Variants in TSC2 observed in about 807,000 individuals in gnomAD.
TSC2 encodes TSC complex subunit 2.
In TSC2, 29 loss-of-function variants were observed where a neutral mutation model predicts 202.2. The observed-to-expected ratio is 0.14, with a 90% confidence interval of 0.11 to 0.20. The LOEUF (loss-of-function observed/expected upper bound fraction) is 0.20. Among genes scored for constraint, TSC2 ranks in the 10% least tolerant of loss-of-function variants. The pLI, the probability that TSC2 is intolerant of heterozygous loss-of-function variation, is 1.00. For missense variants in TSC2, 2,429 were observed against 2,420.0 expected, an observed-to-expected ratio of 1.00 and a Z score of -0.08; for synonymous variants, 1,349 against 1,044.0, an observed-to-expected ratio of 1.29 and a Z score of -5.63.
At chr16:2,072,406 G>A (rs1567468252) in intron 20 of TSC2, 43 bp downstream of exon 20, 5 of 1,611,540 alleles carry the variant, frequency 3.1e-6, no homozygotes, top group South Asian at 1.1e-5. Context: ...ACCCAGTAGG[G>A]TTTTTCCCCA....
At position 2,056,182 on chromosome 16, in the gene TSC2, G is replaced by C; in HGVS notation, c.600-14G>C. ...AGGCAGTGCTGCCGGGACTGAGCTC[G>C]GTGCTCCCTGCAGGATGATCTGTCT... On this transcript the variant is annotated splice_polypyrimidine_tract_variant and intron_variant, in intron 6 of 41. Coordinates refer to ENST00000219476, the MANE Select transcript of TSC2 (RefSeq NM_000548.5). The C allele has an allele frequency of 6.2e-7, 1 of 1,613,756 alleles. No homozygotes were observed. Among genetic ancestry groups the C allele is most frequent in the Non-Finnish European group, 8.5e-7 (1 of 1,180,046 alleles).
At chr16:2,087,533 A>G (rs2090989599) in intron 38 of TSC2, among the ~76,000 whole-genome samples, 1 of 146,242 alleles carries the variant, frequency 6.8e-6, no homozygotes, top group Non-Finnish European at 1.5e-5. Flanking sequence ...GGTGGTGCCG[A>G]GATGGGGTGC....
chr16:2,062,262 T>C (rs1249886750), intron 12 of TSC2, among the ~76,000 whole-genome samples: 1 of 152,214 alleles, frequency 6.6e-6, no homozygotes, highest in Non-Finnish European at 1.5e-5. Flanking sequence ...GTCCTGTGGC[T>C]CCCAGGCGGC....
At chr16:2,076,779 G>C (rs964008588) in intron 25 of TSC2, 194 bp downstream of exon 25, 2 of 617,656 alleles carry the variant, frequency 3.2e-6, no homozygotes, top group East Asian at 5.6e-5. Context: ...TGGTGGCCTG[G>C]GTCCGGGCTG....
At chr16:2,055,234 C>G in intron 5 of TSC2, 168 bp from the exon 6 acceptor site, 2 of 702,138 alleles carry the variant, frequency 2.8e-6, no homozygotes, top group African/African-American at 3.5e-5. Flanking sequence ...CCTGGGCTCC[C>G]CTGAGCCTCT....
chr16:2,053,998 C>T (rs1444544252), intron 4 of TSC2: 1 of 496,152 alleles, frequency 2.0e-6, no homozygotes, highest in Non-Finnish European at 3.7e-6. Flanking sequence ...GCTGTCTGCC[C>T]TGCACCGAGT....
chr16:2,060,265 G>A (rs188926364), intron 10 of TSC2, among the ~76,000 whole-genome samples: 1 of 152,322 alleles, frequency 6.6e-6, no homozygotes, highest in Non-Finnish European at 1.5e-5. Flanking sequence ...GAGCTGCGGT[G>A]TGGGTCACAG....
In TSC2 at chr16:2,080,132, T is replaced by A. The variant is rs770102136; in HGVS notation, c.3398-33T>A. The A allele has an allele frequency of 1.9e-6, 3 of 1,612,090 alleles. No homozygotes were observed. In the South Asian group the frequency reaches 3.3e-5, roughly 18 times the overall value. On this transcript the variant is annotated intron_variant, in intron 29 of 41. Coordinates refer to ENST00000219476, the MANE Select transcript of TSC2 (RefSeq NM_000548.5). ...GGCTGGTGGTTTTGCATCAGGTAAGTGGTGGTCACCAGTCCTCTGCCCTCT... is the reference window on the plus strand; with the variant it reads ...GGCTGGTGGTTTTGCATCAGGTAAGAGGTGGTCACCAGTCCTCTGCCCTCT...
rs377300009 is a variant in TSC2 at position 2,074,383 on chromosome 16, C to G, written c.2539C>G (p.Leu847Val). The stretch of plus-strand genomic sequence containing the variant: ...CATGGCCGTCCCACTGCTGGAGTTC[C>G]TGTCCAGTGAGTCCCCGCCCTGCCT... ...ASMAVPLLEF[L>V]STLARLPHLY... The change falls in exon 22 of 42, where the codon CTG becomes GTG. Residue 847 changes from leucine (L) to valine (V), a missense_variant. By Grantham distance (32) the Leu-to-Val change is conservative. Coordinates refer to ENST00000219476, the MANE Select transcript of TSC2 (RefSeq NM_000548.5). 1 of 1,610,700 alleles carries G rather than the reference C, an allele frequency of 6.2e-7. No homozygotes were observed. Among genetic ancestry groups the G allele is most frequent in the Admixed American group, 1.7e-5 (1 of 60,020 alleles).
intron 9 of TSC2, among the ~76,000 whole-genome samples, 178 bp downstream of exon 9, chr16:2,057,356 C>T (rs1413256978): frequency 3.9e-5 from 6 of 152,158 alleles, no homozygotes; most frequent in Admixed American, 3.3e-4. Flanking sequence ...CTGTCCTCTC[C>T]TTCCTCTGTC....
intron 22 of TSC2, chr16:2,074,619 G>A (rs1384006514): frequency 1.2e-5 from 7 of 602,756 alleles, no homozygotes; most frequent in Non-Finnish European, 1.8e-5. Flanking sequence ...CCTCCTTGAA[G>A]AAGCCTCTTC....
At chr16:2,061,658 G>A in intron 11 of TSC2, 1 of 712,414 alleles carries the variant, frequency 1.4e-6, no homozygotes, top group Non-Finnish European at 2.4e-6. Context: ...GGGCCACGTG[G>A]GTCAGGGTGG....
At position 2,074,304 on chromosome 16, in the gene TSC2, C is replaced by G. The variant is rs2151352359; in HGVS notation, c.2460C>G (p.Ile820Met). The G allele has an allele frequency of 1.2e-6, 2 of 1,613,194 alleles. No homozygotes were observed. The highest frequency in any genetic ancestry group is 1.3e-5 in the African/African-American group (1 of 75,072). ...GCGTGGAGATGCCTGACATCATCAT[C>G]AAGGCGCTGCCTGTTCTGGTGGTGA... The part of the protein sequence containing the change: ...ICSVEMPDII[I>M]KALPVLVVKL... The change falls in exon 22 of 42, where the codon ATC becomes ATG. Residue 820 changes from isoleucine (I) to methionine (M), a missense_variant. Coordinates refer to ENST00000219476, the MANE Select transcript of TSC2 (RefSeq NM_000548.5).
chr16:2,077,753 C>T (rs775692643), intron 26 of TSC2, 27 bp downstream of exon 26: 31 of 1,610,030 alleles, frequency 1.9e-5, no homozygotes, highest in Middle Eastern at 3.7e-4. Context: ...GTGGGGGGCA[C>T]GGACCCTGGA....
intron 36 of TSC2, 132 bp from the exon 37 acceptor site, chr16:2,086,061 G>T: frequency 1.9e-6 from 2 of 1,059,042 alleles, no homozygotes; most frequent in Non-Finnish European, 2.8e-6. Flanking sequence ...GGTGGCTGCT[G>T]GAATGGATGG....
Position 2,089,477 on chromosome 16 carries a change from C to A in TSC2, c.*867C>A. On this transcript the variant is annotated 3_prime_UTR_variant, in exon 42 of 42. Coordinates refer to ENST00000219476, the MANE Select transcript of TSC2 (RefSeq NM_000548.5). Reference sequence around the variant, plus strand: ...AGGACTCGGGGAAATAAATTAGCATCTCAGAGGCTAGAAACCGTCCAATAC... The same window carrying A: ...AGGACTCGGGGAAATAAATTAGCATATCAGAGGCTAGAAACCGTCCAATAC... 1.8e-6 allele frequency: 1 copy of A among 564,016 alleles called. No homozygotes were observed. Among genetic ancestry groups the A allele is most frequent in the Non-Finnish European group, 3.2e-6 (1 of 316,682 alleles). 34.9% of individuals were successfully genotyped at this position (564,016 alleles called of 1,614,324 possible).
At chr16:2,063,932 GCA>G (rs2086957139) in intron 14 of TSC2, 2 of 422,194 alleles carry the variant, frequency 4.7e-6, no homozygotes, top group East Asian at 5.0e-5. Flanking sequence ...ACACCCTCAC[GCA>G]CACACGCACA....
intron 17 of TSC2, among the ~76,000 whole-genome samples, chr16:2,070,891 C>T (rs1311045666): frequency 6.6e-6 from 1 of 152,176 alleles, no homozygotes; most frequent in African/African-American, 2.4e-5. Context: ...CTGTGAAGGA[C>T]CTGCAGCAGA....
At chr16:2,058,038 C>A (rs2086105145) in intron 9 of TSC2, among the ~76,000 whole-genome samples, 1 of 144,748 alleles carries the variant, frequency 6.9e-6, no homozygotes, top group African/African-American at 2.6e-5. Context: ...CTGCCTCGGC[C>A]CTGCATCTTT....
Sources: gnomAD v4.1 joint callset for allele counts (sites outside exome capture counted in the v4.1 genomes callset) on GRCh38, gnomAD v4.1.1 for gene constraint, MANE v1.5 for transcripts, NCBI Gene and HGNC (gene_info 2026-07-23, HGNC 2026-07-21) for gene names.